The following COL4A4 variants were observed in gnomAD, a reference collection of about 807,000 sequenced individuals.
COL4A4 encodes collagen alpha-4(IV) chain.
A neutral mutation model predicts 192.9 loss-of-function variants in COL4A4; 105 were observed. The observed-to-expected ratio is 0.54, with a 90% CI of 0.46 to 0.64. The LOEUF is 0.64. COL4A4 is among the 30% of genes least tolerant of loss of function. The pLI is 0.00. For synonymous variants in COL4A4, 762 were observed against 769.9 expected, an observed-to-expected ratio of 0.99 and a Z score of 0.17; for missense variants, 1,967 against 2,169.3, an observed-to-expected ratio of 0.91 and a Z score of 1.85.
intron 44 of COL4A4, among the ~76,000 whole-genome samples, chr2:227,014,887 C>T (rs1441000694): frequency 6.8e-6 from 1 of 147,394 alleles, no homozygotes; most frequent in Non-Finnish European, 1.5e-5. Context: ...GGCCACCATG[C>T]CTGGCTTTTT....
chr2:227,074,686 T>C (rs975725803), intron 25 of COL4A4, among the ~76,000 whole-genome samples: 1 of 151,984 alleles, frequency 6.6e-6, no homozygotes, highest in Non-Finnish European at 1.5e-5. Flanking sequence ...ATAAAGAAAA[T>C]GTGGTATACA....
rs974521053 is a variant in COL4A4, at chr2:227,103,958, G to A, written c.816+14C>T. 1.2e-6 allele frequency: 2 copies of A among 1,601,558 alleles called. No individual in the cohort carries two copies. Among genetic ancestry groups the A allele is most frequent in the African/African-American group, 1.3e-5 (1 of 74,796 alleles). ...CTGCTACTTTCCAAGGTGACATATGGATTTGGGAATTACCTTTTCTCCTTT... is the reference window on the plus strand; with the variant it reads ...CTGCTACTTTCCAAGGTGACATATGAATTTGGGAATTACCTTTTCTCCTTT... On this transcript the variant is annotated intron_variant, in intron 13 of 47. Transcript: ENST00000396625.
At chr2:227,067,701 G>A (rs560272195) in intron 25 of COL4A4, among the ~76,000 whole-genome samples, 2 of 152,264 alleles carry the variant, frequency 1.3e-5, no homozygotes, top group South Asian at 2.1e-4. Context: ...CAGAATCTCT[G>A]GGATGCACTC....
chr2:227,062,684 AT>A, intron 25 of COL4A4, 86 bp from the exon 26 acceptor site: 1 of 921,496 alleles, frequency 1.1e-6, no homozygotes, highest in South Asian at 1.4e-5. Context: ...TCCTCAAGAT[AT>A]TTTTCTGTAT....
At chr2:227,031,181 G>T (rs1375674604) in intron 40 of COL4A4, among the ~76,000 whole-genome samples, 1 of 152,164 alleles carries the variant, frequency 6.6e-6, no homozygotes, top group Non-Finnish European at 1.5e-5. Flanking sequence ...CCACAAATAG[G>T]AATAAATTGA....
At chr2:227,099,948 C>A (rs1266787512) in intron 17 of COL4A4, among the ~76,000 whole-genome samples, 1 of 152,178 alleles carries the variant, frequency 6.6e-6, no homozygotes, top group Non-Finnish European at 1.5e-5. Context: ...TGAAATTATT[C>A]TATGCCTATA....
chr2:227,043,365 T>A (rs1372361454), intron 35 of COL4A4, among the ~76,000 whole-genome samples, 181 bp from the exon 36 acceptor site: 1 of 152,218 alleles, frequency 6.6e-6, no homozygotes, highest in Non-Finnish European at 1.5e-5. Context: ...TCCCACCAGC[T>A]TAACACAATT....
intron 25 of COL4A4, among the ~76,000 whole-genome samples, chr2:227,068,440 C>T (rs988195365): frequency 6.6e-6 from 1 of 152,196 alleles, no homozygotes; most frequent in East Asian, 1.9e-4. Flanking sequence ...GACCAATATC[C>T]TTGATGAACA....
Position 227,094,232 on chromosome 2 carries a change from T to A in COL4A4, c.1262A>T (p.Glu421Val), listed in dbSNP as rs755138243. 3.7e-6 allele frequency: 6 copies of A among 1,613,750 alleles called. No individual in the cohort carries two copies. Among genetic ancestry groups the A allele is most frequent in the Non-Finnish European group, 5.1e-6 (6 of 1,179,886 alleles). Residue 421 changes from glutamate to valine, a missense_variant, in exon 20 of 48, where the codon GAA becomes GTA. By Grantham distance (121) the Glu-to-Val change is moderately radical (BLOSUM62 -2). Coordinates refer to ENST00000396625, the MANE Select transcript of COL4A4 (RefSeq NM_000092.5). ...GFPGLPGLPG[E>V]AGIPGRPDSA... ...ATCAGGTCTCCCAGGAATACCAGCT[T>A]CTCCTGGAAGCCCAGGAAGACCAGG...
chr2:227,008,282 G>A lies in COL4A4; in HGVS notation c.4545C>T (p.Pro1515=), dbSNP rs777758326. The A allele has an allele frequency of 1.5e-4, 244 of 1,614,068 alleles. No homozygotes were observed. The highest frequency in any genetic ancestry group is 2.0e-4 in the Non-Finnish European group (234 of 1,180,014). The change falls in exon 47 of 48, where the codon CCC becomes CCT. Residue 1515 remains proline (P), a synonymous_variant. Transcript: ENST00000396625. The part of the protein sequence containing the change: ...QDLGLAGSCL[P]VFSTLPFAYC... ...AGGCAAAGGGCAGCGTGCTAAATAC[G>A]GGAAGGCAAGACCCTGCCAGACCTT...
At chr2:227,091,868 C>T (rs2059949846) in intron 20 of COL4A4, among the ~76,000 whole-genome samples, 2 of 151,364 alleles carry the variant, frequency 1.3e-5, no homozygotes, top group South Asian at 4.2e-4. Context: ...TGCACTCCAG[C>T]CTGGGCAAGA....
At chr2:227,062,727 T>C (rs539265594) in intron 25 of COL4A4, 129 bp from the exon 26 acceptor site, 10 of 717,246 alleles carry the variant, frequency 1.4e-5, no homozygotes, top group Non-Finnish European at 2.3e-5. Flanking sequence ...AAAAGAAGAC[T>C]CCCAAGTATC....
chr2:227,047,762 C>CACACACACACACACAT (rs1553637097), intron 34 of COL4A4, among the ~76,000 whole-genome samples: 1 of 151,110 alleles, frequency 6.6e-6, no homozygotes, highest in Admixed American at 6.6e-5. Context: ...CACACACACA[C>CACACACACACACACAT]GGTTTTAGAA....
At chr2:227,125,518 T>A (rs983586036) in intron 4 of COL4A4, among the ~76,000 whole-genome samples, 4 of 151,518 alleles carry the variant, frequency 2.6e-5, no homozygotes, top group Non-Finnish European at 5.9e-5. Context: ...CCATATAAAA[T>A]ACTTCGGGAG....
chr2:227,153,042 T>G (rs2064068987), intron 1 of COL4A4, among the ~76,000 whole-genome samples: 1 of 152,136 alleles, frequency 6.6e-6, no homozygotes, highest in Admixed American at 6.6e-5. Flanking sequence ...GGAGCAAAGT[T>G]ATATCTTACA....
chr2:226,983,909 C>T, the COL4A4 span, among the ~76,000 whole-genome samples: 1 of 152,276 alleles, frequency 6.6e-6, no homozygotes, highest in Admixed American at 6.5e-5. Context: ...TTTAGCTGAA[C>T]AGAAGATTTG....
intron 30 of COL4A4, among the ~76,000 whole-genome samples, 171 bp downstream of exon 30, chr2:227,055,774 G>A (rs943748970): frequency 2.6e-5 from 4 of 152,028 alleles, no homozygotes; most frequent in East Asian, 1.9e-4. Flanking sequence ...GAAACATTTC[G>A]CCACTGGAAA....
intron 4 of COL4A4, among the ~76,000 whole-genome samples, chr2:227,138,792 C>G (rs533853429): frequency 1.1e-4 from 16 of 152,292 alleles, no homozygotes; most frequent in Admixed American, 9.2e-4. Context: ...AACAAAGGAA[C>G]CCATTGCACA....
chr2:227,138,372 G>A (rs1326215342), intron 4 of COL4A4, among the ~76,000 whole-genome samples: 3 of 151,946 alleles, frequency 2.0e-5, no homozygotes, highest in South Asian at 2.1e-4. Flanking sequence ...AGTGGCTCAC[G>A]CCTGTAATCC....
Sources: allele counts gnomAD v4.1 joint callset (sites outside exome capture counted in the v4.1 genomes callset), GRCh38; gene constraint gnomAD v4.1.1; transcripts MANE v1.5; gene names NCBI Gene and HGNC (gene_info 2026-07-23, HGNC 2026-07-21).